TINAG: variants seen among roughly 807,000 people sequenced by gnomAD.
The protein encoded by TINAG is tubulointerstitial nephritis antigen.
In TINAG, 83 loss-of-function variants were observed where a neutral mutation model predicts 72.7. The ratio of observed to expected loss-of-function variants is 1.14; its 90% confidence interval spans 0.96 to 1.37. The LOEUF (loss-of-function observed/expected upper bound fraction) is 1.37, where lower values mean the gene tolerates loss of function less well. Ranked by LOEUF, TINAG falls within the 40% of genes most tolerant of loss-of-function variation. TINAG has a pLI of 0.00. For missense variants in TINAG, 685 were observed against 576.6 expected, an observed-to-expected ratio of 1.19 and a Z score of -1.93; for synonymous variants, 234 against 189.9, an observed-to-expected ratio of 1.23 and a Z score of -1.91.
intron 1 of TINAG, 36 bp downstream of exon 1, chr6:54,308,941 T>A: frequency 1.3e-6 from 2 of 1,499,018 alleles, no homozygotes; most frequent in Non-Finnish European, 1.8e-6. Flanking sequence ...ATCATCCTCG[T>A]TCATAACAAC....
At position 54,308,906 on chromosome 6, in the gene TINAG, G is replaced by A; in HGVS notation, c.355+1G>A. ...CACACACAGCCTTGGTATCCAGAAG[G>A]TAGGCTTTGGGAATGTGTTTCAACA... is the stretch of plus-strand genomic sequence containing the variant. On this transcript the variant is annotated splice_donor_variant, in intron 1 of 10. Coordinates refer to ENST00000259782, the MANE Select transcript of TINAG (RefSeq NM_014464.4). LOFTEE classifies it high-confidence loss of function. 1 of 1,598,974 alleles carries A rather than the reference G, an allele frequency of 6.3e-7. No homozygotes were observed. The highest frequency in any genetic ancestry group is 1.1e-5 in the South Asian group (1 of 89,360).
At chr6:54,321,893 A>G (rs1351761574) in intron 3 of TINAG, among the ~76,000 whole-genome samples, 2 of 152,222 alleles carry the variant, frequency 1.3e-5, no homozygotes, top group African/African-American at 2.4e-5. Context: ...GAGCTACTTT[A>G]CTTTGCTAGT....
At position 54,330,585 on chromosome 6, in the gene TINAG, A is replaced by C. The variant is rs868843281; in HGVS notation, c.624+3669A>C. 5.9e-5 allele frequency among the ~76,000 whole-genome samples: 9 copies of C among 152,206 alleles called. No homozygotes were observed. In the South Asian group the frequency reaches 1.9e-3, roughly 31 times the overall value. ...GCAAACAAATTCAAAAGCTAGCAGA[A>C]GACGAGAAATAACTAAGATCAGAGC... On this transcript the variant is annotated intron_variant, in intron 4 of 10. Transcript: ENST00000259782.
intron 4 of TINAG, among the ~76,000 whole-genome samples, chr6:54,339,679 C>T (rs190485635): frequency 2.0e-5 from 3 of 152,202 alleles, no homozygotes; most frequent in East Asian, 3.9e-4. Context: ...AAAGGTAAGG[C>T]ACAAAGACAA....
intron 5 of TINAG, among the ~76,000 whole-genome samples, chr6:54,346,474 T>C (rs1451268762): frequency 6.6e-6 from 1 of 151,630 alleles, no homozygotes; most frequent in Non-Finnish European, 1.5e-5. Flanking sequence ...ATAAATATAT[T>C]ATTAGTTGTA....
chr6:54,319,854 G>C (rs1259498523), intron 1 of TINAG, among the ~76,000 whole-genome samples: 1 of 152,112 alleles, frequency 6.6e-6, no homozygotes, highest in Non-Finnish European at 1.5e-5. Flanking sequence ...TTTTGAATTT[G>C]AGCAGATTAT....
intron 9 of TINAG, among the ~76,000 whole-genome samples, chr6:54,377,213 T>C (rs552710340): frequency 6.1e-4 from 93 of 152,162 alleles, no homozygotes; most frequent in African/African-American, 2.2e-3. Context: ...CACAAAGGTA[T>C]AGAAATAACC....
intron 4 of TINAG, among the ~76,000 whole-genome samples, chr6:54,337,246 A>ATTTTTTTT (rs34286210): frequency 4.3e-5 from 4 of 94,078 alleles, no homozygotes; most frequent in Admixed American, 1.2e-4. Flanking sequence ...TGGGATTTGA[A>ATTTTTTTT]TTTTTTTTTT....
intron 10 of TINAG, among the ~76,000 whole-genome samples, chr6:54,380,802 T>C (rs1763923831): frequency 6.6e-6 from 1 of 151,684 alleles, no homozygotes; most frequent in Admixed American, 6.6e-5. Flanking sequence ...TGTTTATTTT[T>C]CCCCAAGTTG....
At chr6:54,328,508 GA>G (rs894905387) in intron 4 of TINAG, among the ~76,000 whole-genome samples, 2 of 152,112 alleles carry the variant, frequency 1.3e-5, no homozygotes, top group African/African-American at 4.8e-5. Flanking sequence ...TCCACAAGAT[GA>G]GGAAAAATCA....
At chr6:54,335,687 T>C (rs1784848710) in intron 4 of TINAG, among the ~76,000 whole-genome samples, 1 of 152,166 alleles carries the variant, frequency 6.6e-6, no homozygotes, top group Non-Finnish European at 1.5e-5. Flanking sequence ...GTTGACTACA[T>C]AGAAAAACCC....
intron 7 of TINAG, among the ~76,000 whole-genome samples, chr6:54,351,146 C>T (rs1204628484): frequency 6.6e-6 from 1 of 151,992 alleles, no homozygotes; most frequent in Non-Finnish European, 1.5e-5. Flanking sequence ...TTTGTCTCCA[C>T]TCCAAATTTA....
intron 8 of TINAG, among the ~76,000 whole-genome samples, chr6:54,354,230 G>A (rs1434135406): frequency 1.3e-5 from 2 of 151,818 alleles, no homozygotes; most frequent in East Asian, 1.9e-4. Flanking sequence ...TGTTGCAAGC[G>A]CTTAATTTTT....
upstream of TINAG, chr6:54,307,932 A>G (rs1226693179): frequency 2.9e-6 from 3 of 1,028,872 alleles, no homozygotes; most frequent in Non-Finnish European, 4.3e-6. Flanking sequence ...TTGCTGAATT[A>G]GGTTCCACTA....
At chr6:54,337,027 A>C (rs114513785) in intron 4 of TINAG, among the ~76,000 whole-genome samples, 2,370 of 152,072 alleles carry the variant, frequency 0.016, 65 homozygotes, top group African/African-American at 0.053. Flanking sequence ...TTATAATAAA[A>C]AATCTTTTAA....
intron 9 of TINAG, among the ~76,000 whole-genome samples, chr6:54,380,320 T>C (rs1481357559): frequency 1.3e-5 from 2 of 152,112 alleles, no homozygotes; most frequent in Non-Finnish European, 2.9e-5. Context: ...TAAATGAGTC[T>C]GTTCTGTGCA....
intron 1 of TINAG, among the ~76,000 whole-genome samples, chr6:54,319,344 C>A (rs1432930538): frequency 6.6e-6 from 1 of 152,008 alleles, no homozygotes; most frequent in East Asian, 1.9e-4. Flanking sequence ...TGAAAGGAGT[C>A]TAATCTTATG....
intron 10 of TINAG, among the ~76,000 whole-genome samples, chr6:54,385,348 TAAG>T (rs976453168): frequency 1.3e-5 from 2 of 151,834 alleles, no homozygotes; most frequent in Admixed American, 1.3e-4. Flanking sequence ...AAGTAGGTAA[TAAG>T]AGGATATTAT....
rs1763212398 is a variant in TINAG, at chr6:54,360,862, T to TTTTTTTTTTTTTTTTTTTTTTTTTTTTA, written c.1250+6236_1250+6237insTTTTTTTTTTTTTTTTTATTTTTTTTTT. Among the ~76,000 whole-genome samples, 2 of 127,828 alleles carry TTTTTTTTTTTTTTTTTTTTTTTTTTTTA rather than the reference T, an allele frequency of 1.6e-5. 1 individual carries two copies. Among genetic ancestry groups the TTTTTTTTTTTTTTTTTTTTTTTTTTTTA allele is most frequent in the Non-Finnish European group, 3.3e-5 (2 of 59,744 alleles). The allele number at this position is 127,828 out of a possible 152,430, so 83.9% of individuals were successfully genotyped here. The stretch of plus-strand genomic sequence containing the variant: ...CTGTGTTTTTTTTTTTTTTTTTTTT[T>TTTTTTTTTTTTTTTTTTTTTTTTTTTTA]TTTTTTTTTTCAAATTGAAAGTTTG... On this transcript the variant is annotated intron_variant, in intron 9 of 10. Transcript: ENST00000259782.
Sources: gnomAD v4.1 joint callset for allele counts (sites outside exome capture counted in the v4.1 genomes callset) on GRCh38, gnomAD v4.1.1 for gene constraint, MANE v1.5 for transcripts, NCBI Gene and HGNC (gene_info 2026-07-23, HGNC 2026-07-21) for gene names.